MAOB: variants seen among roughly 807,000 people sequenced by gnomAD.
MAOB encodes the protein amine oxidase [flavin-containing] B.
Under a neutral mutation model 41.9 loss-of-function variants are expected in MAOB, and 15 were observed. The ratio of observed to expected loss-of-function variants is 0.36; its 90% CI spans 0.24 to 0.55. The LOEUF (loss-of-function observed/expected upper bound fraction) is 0.55. Ranked by LOEUF, MAOB falls within the 20% of genes least tolerant of loss-of-function variation. The probability of loss-of-function intolerance (pLI) is 0.86; values close to 1 mark genes in which losing one functional copy is unlikely to be tolerated. For synonymous variants in MAOB, 167 were observed against 144.2 expected, an observed-to-expected ratio of 1.16 and a Z score of -1.13; for missense variants, 345 against 398.7, an observed-to-expected ratio of 0.87 and a Z score of 1.15.
intron 1 of MAOB, among the ~76,000 whole-genome samples, chrX:43,859,037 C>T (rs1007876218): frequency 4.5e-5 from 5 of 111,236 alleles, no homozygotes; most frequent in African/African-American, 9.8e-5. Flanking sequence ...CTCAGTGAGA[C>T]GCCCTGAATG....
In MAOB at chrX:43,850,443, G is replaced by A. The variant is rs1360043457; in HGVS notation, c.47-6679C>T. On this transcript the variant is annotated intron_variant, in intron 1 of 14. Transcript: ENST00000378069. The stretch of plus-strand genomic sequence containing the variant: ...GCATCTCTACTGAACTACATATTAG[G>A]AGGTGTTTTGGCCAAATAGTTCCTC... 1.7e-5 allele frequency: 13 copies of A among 750,559 alleles called. No individual in the cohort carries two copies. The South Asian group carries it at 6.9e-4, about 40-fold the overall frequency. The allele number at this position is 750,559 out of a possible 1,213,427, so 61.9% of individuals were successfully genotyped here.
intron 1 of MAOB, among the ~76,000 whole-genome samples, chrX:43,849,247 T>C (rs1317025065): frequency 2.7e-5 from 3 of 111,600 alleles, no homozygotes; most frequent in African/African-American, 9.8e-5. Context: ...CAGGCAGATG[T>C]AGAAAATGAA....
At chrX:43,856,572 C>T (rs1192806433) in intron 1 of MAOB, among the ~76,000 whole-genome samples, 1 of 111,971 alleles carries the variant, frequency 8.9e-6, no homozygotes, top group Non-Finnish European at 1.9e-5. Flanking sequence ...AACTCAATTA[C>T]TGTTAGCCTA....
At chrX:43,836,346 C>G (rs2035071406) in intron 3 of MAOB, among the ~76,000 whole-genome samples, 1 of 112,298 alleles carries the variant, frequency 8.9e-6, no homozygotes, top group Admixed American at 9.4e-5. Context: ...AGAACAAGTA[C>G]TTAGTTTGAG....
At chrX:43,840,414 G>A (rs2035120175) in intron 2 of MAOB, among the ~76,000 whole-genome samples, 1 of 111,924 alleles carries the variant, frequency 8.9e-6, no homozygotes, top group Non-Finnish European at 1.9e-5. Flanking sequence ...CTGATTCATA[G>A]TAGGTACTCA....
At chrX:43,808,464 C>A (rs2034696478) in intron 3 of MAOB, among the ~76,000 whole-genome samples, 1 of 110,681 alleles carries the variant, frequency 9.0e-6, no homozygotes, top group Non-Finnish European at 1.9e-5. Flanking sequence ...CACCAGCAAC[C>A]ATGGCAGCTC....
intron 1 of MAOB, among the ~76,000 whole-genome samples, chrX:43,857,106 TATATATATATAGAGAGAGAGAGAG>T (rs1397248874): frequency 3.9e-3 from 95 of 24,444 alleles, no homozygotes; most frequent in Non-Finnish European, 5.1e-3. Context: ...TATATATATA[TATATATATATAGAGAGAGAGAGAG>T]AGAGAGAGAG....
intron 12 of MAOB, 133 bp from the exon 13 acceptor site, chrX:43,769,551 A>T: frequency 3.1e-6 from 3 of 981,608 alleles, no homozygotes; most frequent in Non-Finnish European, 3.9e-6. Context: ...TTTTGGAATA[A>T]TGTTTATGTG....
At chrX:43,767,729 C>G in intron 14 of MAOB, 111 bp from the exon 15 acceptor site, 1 of 646,943 alleles carries the variant, frequency 1.5e-6, no homozygotes, top group Non-Finnish European at 2.3e-6. Flanking sequence ...ACGTCTAGAC[C>G]AGTAAACACG....
At chrX:43,807,319 G>A (rs2147141823) in intron 3 of MAOB, among the ~76,000 whole-genome samples, 1 of 111,825 alleles carries the variant, frequency 8.9e-6, no homozygotes, top group Non-Finnish European at 1.9e-5. Context: ...AATCGTCCAG[G>A]CCCCAGATAT....
intron 1 of MAOB, among the ~76,000 whole-genome samples, chrX:43,879,748 T>C (rs779017794): frequency 1.5e-4 from 17 of 112,070 alleles, no homozygotes; most frequent in African/African-American, 5.5e-4. Flanking sequence ...GAGCTAAACC[T>C]TTCTGATATA....
At chrX:43,799,107 A>G (rs956464908) in intron 5 of MAOB, among the ~76,000 whole-genome samples, 6 of 111,357 alleles carry the variant, frequency 5.4e-5, no homozygotes, top group African/African-American at 2.0e-4. Flanking sequence ...ACACATACCA[A>G]TTATTGACAT....
intron 1 of MAOB, among the ~76,000 whole-genome samples, chrX:43,846,174 A>G (rs1273863382): frequency 2.7e-5 from 3 of 112,770 alleles, no homozygotes. Context: ...CAGCCATAGT[A>G]ACAGCTATTA....
chrX:43,815,614 A>G (rs1236297574), intron 3 of MAOB, among the ~76,000 whole-genome samples: 1 of 112,223 alleles, frequency 8.9e-6, no homozygotes, highest in Non-Finnish European at 1.9e-5. Flanking sequence ...CAGAGTGCAT[A>G]CATATAGATA....
chrX:43,769,845 C>A (rs1443945528), intron 12 of MAOB, among the ~76,000 whole-genome samples: 3 of 111,427 alleles, frequency 2.7e-5, no homozygotes. Flanking sequence ...GGCTTCCTTG[C>A]CTCTTAAAGG....
chrX:43,796,613 G>A (rs2034530556), intron 6 of MAOB, among the ~76,000 whole-genome samples: 1 of 110,798 alleles, frequency 9.0e-6, no homozygotes, highest in South Asian at 3.8e-4. Context: ...GAGGAGGAGG[G>A]GGAGAGAGAA....
At chrX:43,786,863 G>A (rs1474443115) in intron 8 of MAOB, among the ~76,000 whole-genome samples, 1 of 111,312 alleles carries the variant, frequency 9.0e-6, no homozygotes, top group Non-Finnish European at 1.9e-5. Context: ...GGAGCAGAGA[G>A]AAAAGTCATG....
intron 11 of MAOB, among the ~76,000 whole-genome samples, chrX:43,777,689 T>C (rs1325224845): frequency 8.9e-6 from 1 of 111,973 alleles, no homozygotes; most frequent in African/African-American, 3.2e-5. Flanking sequence ...TAGATTGTGG[T>C]ATATACTACA....
intron 11 of MAOB, among the ~76,000 whole-genome samples, chrX:43,776,492 A>T (rs1016629442): frequency 8.9e-6 from 1 of 111,990 alleles, no homozygotes; most frequent in East Asian, 2.8e-4. Flanking sequence ...TTAGCCTGGG[A>T]GTGCCTCAGA....
Sources: gnomAD v4.1 joint callset for allele counts (sites outside exome capture counted in the v4.1 genomes callset) on GRCh38, gnomAD v4.1.1 for gene constraint, MANE v1.5 for transcripts, NCBI Gene and HGNC (gene_info 2026-07-23, HGNC 2026-07-21) for gene names.